The following CSMD1 variants were observed in gnomAD, a reference collection of about 807,000 sequenced individuals.
CSMD1 encodes CUB and sushi domain-containing protein 1.
Under a neutral mutation model 417.5 loss-of-function variants are expected in CSMD1, and 213 were observed. The ratio of observed to expected loss-of-function variants is 0.51; its 90% CI spans 0.46 to 0.57. CSMD1 has a LOEUF of 0.57. Ranked by LOEUF, CSMD1 falls within the 20% of genes least tolerant of loss-of-function variation. CSMD1 has a pLI of 0.00. For synonymous variants in CSMD1, 2,862 were observed against 1,736.8 expected (o/e 1.65, Z -16.11); for missense variants, 6,923 against 4,529.7 (o/e 1.53, Z -15.17).
intron 3 of CSMD1, among the ~76,000 whole-genome samples, chr8:4,261,867 C>G (rs1301193478): frequency 6.6e-6 from 1 of 151,970 alleles, no homozygotes; most frequent in Non-Finnish European, 1.5e-5. Flanking sequence ...CCTAATGAAA[C>G]TAGACAAAAT....
chr8:3,718,450 T>G (rs987116117), intron 6 of CSMD1, among the ~76,000 whole-genome samples: 5 of 152,224 alleles, frequency 3.3e-5, no homozygotes, highest in Admixed American at 6.5e-5. Context: ...GAAAGCCTGA[T>G]GTTATAAGTC....
At chr8:4,169,145 G>C (rs898720133) in intron 3 of CSMD1, among the ~76,000 whole-genome samples, 3 of 152,138 alleles carry the variant, frequency 2.0e-5, no homozygotes, top group African/African-American at 7.2e-5. Flanking sequence ...GTGATGCCCA[G>C]CTTAATGGTG....
At chr8:3,809,937 C>G (rs926690743) in intron 5 of CSMD1, among the ~76,000 whole-genome samples, 1 of 152,108 alleles carries the variant, frequency 6.6e-6, no homozygotes, top group African/African-American at 2.4e-5. Context: ...CATATACAAC[C>G]AACATTTACT....
intron 3 of CSMD1, among the ~76,000 whole-genome samples, chr8:4,392,420 A>C (rs1803907199): frequency 6.6e-6 from 1 of 152,112 alleles, no homozygotes; most frequent in East Asian, 1.9e-4. Context: ...CCCTCCCAAA[A>C]ATATGAAGCC....
intron 1 of CSMD1, among the ~76,000 whole-genome samples, chr8:4,746,591 C>A (rs1029962030): frequency 6.6e-5 from 10 of 152,160 alleles, no homozygotes; most frequent in African/African-American, 1.7e-4. Flanking sequence ...TCTATTCTAG[C>A]GAGCATGCAT....
chr8:4,102,252 AG>A (rs1445521743), intron 3 of CSMD1, among the ~76,000 whole-genome samples: 2 of 152,132 alleles, frequency 1.3e-5, no homozygotes, highest in African/African-American at 4.8e-5. Context: ...TTTTGTTTTT[AG>A]ATATGCTATA....
At chr8:3,581,026 T>G (rs1417918649) in intron 9 of CSMD1, among the ~76,000 whole-genome samples, 1 of 152,210 alleles carries the variant, frequency 6.6e-6, no homozygotes, top group Non-Finnish European at 1.5e-5. Flanking sequence ...CAGTTACAAC[T>G]GGCAATAATA....
At chr8:4,329,283 C>T (rs1474957623) in intron 3 of CSMD1, among the ~76,000 whole-genome samples, 6 of 151,958 alleles carry the variant, frequency 3.9e-5, no homozygotes, top group African/African-American at 1.5e-4. Flanking sequence ...AATGCTTGAA[C>T]AAAAAAATAC....
intron 26 of CSMD1, among the ~76,000 whole-genome samples, chr8:3,255,162 G>C (rs1386315639): frequency 1.3e-5 from 2 of 152,198 alleles, no homozygotes; most frequent in Non-Finnish European, 2.9e-5. Context: ...CTGGGTATCA[G>C]TAGCAGAGGC....
At chr8:3,700,564 A>G (rs1203902636) in intron 7 of CSMD1, 1 of 152,240 alleles carries the variant, frequency 6.6e-6, no homozygotes, top group African/African-American at 2.4e-5. Context: ...TAGTACTTGG[A>G]TGGGAGAAGT....
chr8:4,050,314 C>T (rs1040803460), intron 3 of CSMD1, among the ~76,000 whole-genome samples: 18 of 152,098 alleles, frequency 1.2e-4, no homozygotes, highest in Admixed American at 7.9e-4. Flanking sequence ...TTAAGGAATA[C>T]GAAAGGAGGC....
chr8:4,915,555 C>T (rs1356117928), intron 1 of CSMD1, among the ~76,000 whole-genome samples: 1 of 152,166 alleles, frequency 6.6e-6, no homozygotes, highest in Non-Finnish European at 1.5e-5. Flanking sequence ...TGTCATGGAC[C>T]TGCGTCTGCA....
chr8:4,745,792 AAGTACAGTGAGATGCT>A (rs1810913579), intron 1 of CSMD1, among the ~76,000 whole-genome samples: 1 of 152,194 alleles, frequency 6.6e-6, no homozygotes, highest in Non-Finnish European at 1.5e-5. Flanking sequence ...CTTCTACCAC[AAGTACAGTGAGATGCT>A]AGTACAAATG....
At chr8:3,249,520 G>T (rs527383020) in intron 26 of CSMD1, among the ~76,000 whole-genome samples, 4 of 152,204 alleles carry the variant, frequency 2.6e-5, no homozygotes, top group African/African-American at 7.2e-5. Flanking sequence ...CATGGCACCC[G>T]GCCTGTGAGA....
At chr8:3,486,710 C>A (rs1241296384) in intron 11 of CSMD1, among the ~76,000 whole-genome samples, 1 of 152,240 alleles carries the variant, frequency 6.6e-6, no homozygotes, top group African/African-American at 2.4e-5. Flanking sequence ...ATGGCTTCTT[C>A]TTCCCTGTAG....
chr8:3,278,355 C>T (rs1584916849), intron 26 of CSMD1: 2 of 152,102 alleles, frequency 1.3e-5, no homozygotes, highest in African/African-American at 4.8e-5. Context: ...AACAAATATT[C>T]ACATAACTAT....
intron 3 of CSMD1, among the ~76,000 whole-genome samples, chr8:4,131,450 G>C (rs186576863): frequency 2.6e-5 from 4 of 152,190 alleles, no homozygotes; most frequent in Admixed American, 2.6e-4. Context: ...TCAAATATAC[G>C]ATTAAACTTC....
At chr8:4,016,550 G>C (rs536980802) in intron 4 of CSMD1, among the ~76,000 whole-genome samples, 4 of 152,244 alleles carry the variant, frequency 2.6e-5, no homozygotes, top group African/African-American at 9.6e-5. Context: ...GGAAAGAGGA[G>C]AAAAGATGAA....
At chr8:3,886,820 A>G (rs1415874664) in intron 5 of CSMD1, among the ~76,000 whole-genome samples, 2 of 152,166 alleles carry the variant, frequency 1.3e-5, no homozygotes, top group African/African-American at 4.8e-5. Context: ...TAGAATAGAG[A>G]TTTGAACACA....
Sources: gnomAD v4.1 joint callset for allele counts (sites outside exome capture counted in the v4.1 genomes callset) on GRCh38, gnomAD v4.1.1 for gene constraint, MANE v1.5 for transcripts, NCBI Gene and HGNC (gene_info 2026-07-23, HGNC 2026-07-21) for gene names.